The following TENM3 variants were observed in gnomAD, a reference collection of about 807,000 sequenced individuals.
TENM3 encodes the protein teneurin-3.
TENM3 carries 63 observed loss-of-function variants against 255.1 expected under a neutral mutation model. The ratio of observed to expected loss-of-function variants is 0.25; its 90% CI spans 0.20 to 0.30. The LOEUF (loss-of-function observed/expected upper bound fraction) is 0.30, where lower values mean the gene tolerates loss of function less well. TENM3 is among the 10% of genes least tolerant of loss of function. The probability of loss-of-function intolerance (pLI) is 1.00; values close to 1 mark genes in which losing one functional copy is unlikely to be tolerated. For missense variants in TENM3, 2,929 were observed against 3,461.1 expected (o/e 0.85, Z 3.86); for synonymous variants, 1,306 against 1,322.3 (o/e 0.99, Z 0.27).
At chr4:181,632,391 G>T in the TENM3 span, among the ~76,000 whole-genome samples, 1 of 152,102 alleles carries the variant, frequency 6.6e-6, no homozygotes, top group African/African-American at 2.4e-5. Flanking sequence ...TGTGGGTGGG[G>T]ACACAGAGCC....
At chr4:181,811,647 G>GA in the TENM3 span, among the ~76,000 whole-genome samples, 7 of 152,302 alleles carry the variant, frequency 4.6e-5, no homozygotes, top group South Asian at 1.5e-3. Context: ...GAGCAAAAGG[G>GA]CGTCTTACAT....
chr4:182,392,894 G>A (rs1768535921), intron 3 of TENM3, among the ~76,000 whole-genome samples: 1 of 152,092 alleles, frequency 6.6e-6, no homozygotes, highest in Non-Finnish European at 1.5e-5. Flanking sequence ...AGCTATTGGG[G>A]GTGCAAAATT....
chr4:182,291,759 A>G (rs139919334), intron 1 of TENM3, among the ~76,000 whole-genome samples: 2,847 of 152,282 alleles, frequency 0.019, 89 homozygotes, highest in African/African-American at 0.065. Flanking sequence ...ACACAGACCC[A>G]GAAGCTGAGG....
intron 1 of TENM3, among the ~76,000 whole-genome samples, chr4:182,304,991 C>T (rs745535718): frequency 3.9e-5 from 6 of 152,004 alleles, no homozygotes; most frequent in Non-Finnish European, 8.8e-5. Flanking sequence ...CCCCTCTCCT[C>T]TTTTCTTCTC....
intron 3 of TENM3, among the ~76,000 whole-genome samples, chr4:182,589,156 A>G (rs1746344821): frequency 1.3e-5 from 2 of 152,178 alleles, no homozygotes; most frequent in Admixed American, 6.5e-5. Context: ...AGAAAGCTCT[A>G]TTCTTGCCTT....
At chr4:182,556,000 T>G (rs895791262) in intron 3 of TENM3, among the ~76,000 whole-genome samples, 2 of 152,168 alleles carry the variant, frequency 1.3e-5, no homozygotes, top group African/African-American at 4.8e-5. Context: ...TAGTACTTTT[T>G]TTGTTGTTTA....
At chr4:181,775,459 C>T in the TENM3 span, among the ~76,000 whole-genome samples, 1 of 152,020 alleles carries the variant, frequency 6.6e-6, no homozygotes, top group South Asian at 2.1e-4. Context: ...TGCAAAATCT[C>T]GTCTGGTTGA....
intron 12 of TENM3, among the ~76,000 whole-genome samples, chr4:182,693,580 C>G (rs541131215): frequency 6.6e-6 from 1 of 152,080 alleles, no homozygotes; most frequent in Non-Finnish European, 1.5e-5. Flanking sequence ...CTCAGGTGAT[C>G]CACTGCGCCC....
chr4:181,753,630 T>C, the TENM3 span, among the ~76,000 whole-genome samples: 3 of 152,238 alleles, frequency 2.0e-5, 1 homozygote, highest in Non-Finnish European at 4.4e-5. Flanking sequence ...TTAGATTATT[T>C]GCTGATTATC....
At chr4:181,707,500 T>A in the TENM3 span, among the ~76,000 whole-genome samples, 1 of 152,240 alleles carries the variant, frequency 6.6e-6, no homozygotes, top group Non-Finnish European at 1.5e-5. Flanking sequence ...CCTTTCTGGA[T>A]CTTGGTCTTC....
intron 3 of TENM3, among the ~76,000 whole-genome samples, chr4:182,420,443 T>A (rs894673891): frequency 1.3e-5 from 2 of 152,168 alleles, no homozygotes; most frequent in African/African-American, 4.8e-5. Flanking sequence ...TGGTGAAGAT[T>A]TATTTTTGCC....
At chr4:182,184,180 G>C (rs964439494) in intron 1 of TENM3, among the ~76,000 whole-genome samples, 1 of 152,140 alleles carries the variant, frequency 6.6e-6, no homozygotes, top group Admixed American at 6.5e-5. Flanking sequence ...AGATTTTTAA[G>C]CAGGCTGTAC....
At chr4:182,234,429 G>A (rs1012283555) in intron 1 of TENM3, among the ~76,000 whole-genome samples, 9 of 152,150 alleles carry the variant, frequency 5.9e-5, no homozygotes, top group Admixed American at 3.9e-4. Flanking sequence ...AAATGCTACA[G>A]TTAGAAATAG....
chr4:182,165,971 G>T (rs575802612), intron 1 of TENM3, among the ~76,000 whole-genome samples: 5 of 152,054 alleles, frequency 3.3e-5, no homozygotes, highest in African/African-American at 4.8e-5. Context: ...GTAGAGACGG[G>T]GTTTCACCGC....
chr4:182,532,221 A>G (rs1739846430), intron 3 of TENM3, among the ~76,000 whole-genome samples: 1 of 152,206 alleles, frequency 6.6e-6, no homozygotes, highest in Non-Finnish European at 1.5e-5. Context: ...AATTTGACAA[A>G]TATGGCTTCT....
chr4:181,803,976 GGAAAGAAA>G, the TENM3 span, among the ~76,000 whole-genome samples: 2 of 142,018 alleles, frequency 1.4e-5, no homozygotes, highest in Non-Finnish European at 3.1e-5. Context: ...GAAAAAGAAA[GGAAAGAAA>G]GAAAGAAAGA....
intron 3 of TENM3, among the ~76,000 whole-genome samples, chr4:182,521,581 G>T (rs1026610091): frequency 8.5e-5 from 13 of 152,136 alleles, no homozygotes; most frequent in African/African-American, 3.1e-4. Flanking sequence ...GCAAATGGGG[G>T]GGTCGCTAAG....
Position 182,793,633 on chromosome 4 carries a change from T to C in TENM3, c.6961T>C (p.Tyr2321His). The change falls in exon 26 of 28, where the codon TAT becomes CAT. Residue 2321 changes from tyrosine to histidine, a missense_variant. By Grantham distance (83) the Tyr-to-His change is moderately conservative (BLOSUM62 2). This residue lies in a region of TENM3 where 256 missense variants were observed against 389.3 expected (regional missense o/e 0.66). Coordinates refer to ENST00000511685, the MANE Select transcript of TENM3 (RefSeq NM_001080477.4). The surrounding 1 kb of genome is among the most constrained non-coding windows in gnomAD (Gnocchi z 5.7). ...LMLKQIQYTAYGEIYFDSNID... is the reference protein window; with the variant it reads ...LMLKQIQYTAHGEIYFDSNID... Reference sequence around the variant, plus strand: ...GCTGAAACAGATTCAGTACACTGCATATGGGGAAATCTATTTTGACTCTAA... The same window carrying C: ...GCTGAAACAGATTCAGTACACTGCACATGGGGAAATCTATTTTGACTCTAA... 6.2e-7 allele frequency: 1 copy of C among 1,613,980 alleles called. No individual in the cohort carries two copies. Among genetic ancestry groups the C allele is most frequent in the Non-Finnish European group, 8.5e-7 (1 of 1,179,870 alleles).
chr4:181,916,137 T>C, the TENM3 span, among the ~76,000 whole-genome samples: 1 of 142,884 alleles, frequency 7.0e-6, no homozygotes, highest in Non-Finnish European at 1.5e-5. Flanking sequence ...AAAGACTCTC[T>C]CCCCTTCTTC....
Sources: allele counts gnomAD v4.1 joint callset (sites outside exome capture counted in the v4.1 genomes callset), GRCh38; gene constraint gnomAD v4.1.1; regional missense constraint gnomAD v4.1.1; non-coding constraint Gnocchi (gnomAD v3.1); transcripts MANE v1.5; gene names NCBI Gene and HGNC (gene_info 2026-07-23, HGNC 2026-07-21).